ATRNL1: variants seen among roughly 807,000 people sequenced by gnomAD.
The protein encoded by ATRNL1 is attractin-like protein 1.
ATRNL1 carries 95 observed loss-of-function variants against 182.7 expected under a neutral mutation model. That is an observed-to-expected ratio of 0.52 (90% CI 0.44 to 0.62). The LOEUF (loss-of-function observed/expected upper bound fraction) is 0.62. Among genes scored for constraint, ATRNL1 ranks in the 20% least tolerant of loss-of-function variants. The probability of loss-of-function intolerance (pLI) is 0.00; values close to 1 mark genes in which losing one functional copy is unlikely to be tolerated. For missense variants in ATRNL1, 1,471 were observed against 1,679.5 expected (o/e 0.88, Z 2.17); for synonymous variants, 576 against 568.3 (o/e 1.01, Z -0.19).
intron 28 of ATRNL1, among the ~76,000 whole-genome samples, chr10:115,892,468 A>G (rs951252330): frequency 1.3e-5 from 2 of 152,204 alleles, no homozygotes; most frequent in African/African-American, 4.8e-5. Context: ...AAAAACTTTT[A>G]TATGATACAC....
At chr10:115,619,515 A>G (rs1255120403) in intron 26 of ATRNL1, among the ~76,000 whole-genome samples, 1 of 152,206 alleles carries the variant, frequency 6.6e-6, no homozygotes, top group Non-Finnish European at 1.5e-5. Flanking sequence ...CCTAGGCCAC[A>G]CTTGCAAGCA....
At chr10:115,124,795 A>C (rs143991853) in intron 3 of ATRNL1, among the ~76,000 whole-genome samples, 133 of 152,300 alleles carry the variant, frequency 8.7e-4, no homozygotes, top group African/African-American at 2.8e-3. Context: ...GGAAATTTCA[A>C]GAATTTAGAG....
intron 27 of ATRNL1, among the ~76,000 whole-genome samples, chr10:115,790,172 C>CT: frequency 6.6e-6 from 1 of 151,590 alleles, no homozygotes; most frequent in Non-Finnish European, 1.5e-5. Context: ...CTGTCATTGT[C>CT]TCTCCAGAGC....
chr10:115,769,946 C>G (rs1469763378), intron 27 of ATRNL1, among the ~76,000 whole-genome samples: 1 of 152,064 alleles, frequency 6.6e-6, no homozygotes, highest in Non-Finnish European at 1.5e-5. Flanking sequence ...AACTATTACC[C>G]CAGGAGTATA....
chr10:115,142,996 G>A (rs1554878408), intron 5 of ATRNL1, among the ~76,000 whole-genome samples: 1 of 152,178 alleles, frequency 6.6e-6, no homozygotes, highest in Non-Finnish European at 1.5e-5. Context: ...TTCAAAAGGA[G>A]ATAGTGAGGA....
chr10:115,299,899 T>A, intron 15 of ATRNL1, 135 bp from the exon 16 acceptor site: 1 of 616,444 alleles, frequency 1.6e-6, no homozygotes, highest in Non-Finnish European at 2.8e-6. Flanking sequence ...TTATTCTTAG[T>A]ACTAAAACTC....
chr10:115,622,461 G>C (rs559134143), intron 26 of ATRNL1, among the ~76,000 whole-genome samples: 2 of 152,248 alleles, frequency 1.3e-5, no homozygotes, highest in South Asian at 4.1e-4. Flanking sequence ...ATTTGTAATT[G>C]TTCTGATCAT....
In ATRNL1 at chr10:115,947,783, G is replaced by C. The variant is rs1953908502; in HGVS notation, c.*3004G>C. The C allele has an allele frequency of 6.6e-6, 1 of 152,208 alleles. No homozygotes were observed. The highest frequency in any genetic ancestry group is 1.5e-5 in the Non-Finnish European group (1 of 68,056). The allele number at this position is 152,208 out of a possible 1,614,324, so 9.4% of individuals were successfully genotyped here. ...CATTTAGGGTGCACACTGGCACACAGGCTGGAAAACGGGCACTGGACCCAG... is the reference window on the plus strand; with the variant it reads ...CATTTAGGGTGCACACTGGCACACACGCTGGAAAACGGGCACTGGACCCAG... On this transcript the variant is annotated 3_prime_UTR_variant, in exon 29 of 29. Coordinates refer to ENST00000355044, the MANE Select transcript of ATRNL1 (RefSeq NM_207303.4).
chr10:115,603,172 C>G (rs57290159), intron 26 of ATRNL1, among the ~76,000 whole-genome samples: 3,404 of 152,220 alleles, frequency 0.022, 119 homozygotes, highest in African/African-American at 0.078. Context: ...TGAATTAACT[C>G]AATCTCCAGC....
chr10:115,420,549 T>A (rs620843), intron 20 of ATRNL1, among the ~76,000 whole-genome samples: 14 of 151,914 alleles, frequency 9.2e-5, no homozygotes, highest in African/African-American at 3.4e-4. Context: ...TTATGGGATA[T>A]AGCAAAAACA....
chr10:115,146,933 A>G (rs2143863211), intron 5 of ATRNL1, among the ~76,000 whole-genome samples: 1 of 152,126 alleles, frequency 6.6e-6, no homozygotes, highest in South Asian at 2.1e-4. Context: ...TGCAGTAAAT[A>G]TGCAGGTGCA....
At chr10:115,201,075 GTT>G (rs1431751302) in intron 8 of ATRNL1, among the ~76,000 whole-genome samples, 1 of 125,560 alleles carries the variant, frequency 8.0e-6, no homozygotes, top group Non-Finnish European at 1.7e-5. Flanking sequence ...TGGTGGGCTT[GTT>G]TTTTTTTTTT....
intron 9 of ATRNL1, among the ~76,000 whole-genome samples, chr10:115,234,634 A>G (rs1554900860): frequency 7.3e-6 from 1 of 137,742 alleles, no homozygotes; most frequent in Non-Finnish European, 1.5e-5. Flanking sequence ...TCTGTTGCCC[A>G]TGCTTGAGAG....
At chr10:115,694,050 C>T (rs891276513) in intron 26 of ATRNL1, among the ~76,000 whole-genome samples, 3 of 151,882 alleles carry the variant, frequency 2.0e-5, no homozygotes, top group African/African-American at 7.3e-5. Flanking sequence ...CATATAGTAA[C>T]CCATGTATAA....
chr10:115,266,199 C>G (rs1851601216), intron 11 of ATRNL1, among the ~76,000 whole-genome samples: 1 of 151,538 alleles, frequency 6.6e-6, no homozygotes, highest in Non-Finnish European at 1.5e-5. Flanking sequence ...ATTGGCACTG[C>G]TTGGTATTAA....
intron 21 of ATRNL1, among the ~76,000 whole-genome samples, chr10:115,453,871 A>T (rs1339529377): frequency 6.6e-6 from 1 of 151,778 alleles, no homozygotes; most frequent in East Asian, 1.9e-4. Flanking sequence ...TGGGTGCAGC[A>T]CACCAGCATG....
intron 19 of ATRNL1, among the ~76,000 whole-genome samples, chr10:115,341,949 A>AT (rs1227337462): frequency 1.3e-5 from 2 of 151,784 alleles, no homozygotes; most frequent in Non-Finnish European, 2.9e-5. Flanking sequence ...ATTATTGAGT[A>AT]TTTTTTTTCC....
intron 9 of ATRNL1, among the ~76,000 whole-genome samples, chr10:115,240,122 T>C (rs1424589078): frequency 6.6e-6 from 1 of 152,204 alleles, no homozygotes; most frequent in African/African-American, 2.4e-5. Flanking sequence ...TATTTGGTGT[T>C]GCTCTTAGCA....
At chr10:115,293,362 G>A (rs905530489) in intron 15 of ATRNL1, among the ~76,000 whole-genome samples, 1 of 151,952 alleles carries the variant, frequency 6.6e-6, no homozygotes, top group African/African-American at 2.4e-5. Flanking sequence ...GGTTATTATT[G>A]GAAGGTGAGA....
Sources: gnomAD v4.1 joint callset for allele counts (sites outside exome capture counted in the v4.1 genomes callset) on GRCh38, gnomAD v4.1.1 for gene constraint, MANE v1.5 for transcripts, NCBI Gene and HGNC (gene_info 2026-07-23, HGNC 2026-07-21) for gene names.